Variants in SDK1 observed in about 807,000 individuals in gnomAD.
SDK1 encodes protein sidekick-1.
In SDK1, 157 loss-of-function variants were observed where a neutral mutation model predicts 245.5. The ratio of observed to expected loss-of-function variants is 0.64; its 90% confidence interval spans 0.56 to 0.73. The LOEUF is 0.73. Ranked by LOEUF, SDK1 falls within the 30% of genes least tolerant of loss-of-function variation. SDK1 has a pLI of 0.00. For missense variants in SDK1, 3,583 were observed against 3,002.3 expected, an observed-to-expected ratio of 1.19 and a Z score of -4.52; for synonymous variants, 1,647 against 1,278.5, an observed-to-expected ratio of 1.29 and a Z score of -6.15.
chr7:3,863,029 C>G (rs1172161096), intron 5 of SDK1, among the ~76,000 whole-genome samples: 2 of 152,174 alleles, frequency 1.3e-5, no homozygotes, highest in African/African-American at 4.8e-5. Context: ...CTGTGCATCC[C>G]AGTTCCTAAG....
intron 4 of SDK1, among the ~76,000 whole-genome samples, chr7:3,703,200 T>C (rs989668178): frequency 6.6e-5 from 10 of 152,134 alleles, no homozygotes; most frequent in South Asian, 2.1e-4. Context: ...TGGCCACAAA[T>C]TGGAAATAAC....
intron 14 of SDK1, among the ~76,000 whole-genome samples, chr7:4,000,370 C>G (rs543140359): frequency 6.6e-6 from 1 of 152,186 alleles, no homozygotes; most frequent in Non-Finnish European, 1.5e-5. Flanking sequence ...TTCTGAAGCA[C>G]GGCTTGGTTT....
intron 5 of SDK1, among the ~76,000 whole-genome samples, chr7:3,919,600 T>G (rs530640305): frequency 6.6e-6 from 1 of 152,288 alleles, no homozygotes; most frequent in South Asian, 2.1e-4. Context: ...TCTTACCACG[T>G]GTTTTGTGCT....
chr7:3,645,383 G>A (rs10245071), intron 4 of SDK1, among the ~76,000 whole-genome samples: 82,073 of 151,918 alleles, frequency 0.54, 22,891 homozygotes, highest in South Asian at 0.65. Context: ...CTTTAGTTTC[G>A]TATTTTCCAC....
At chr7:3,442,402 A>G (rs576660770) in intron 1 of SDK1, among the ~76,000 whole-genome samples, 1 of 152,328 alleles carries the variant, frequency 6.6e-6, no homozygotes, top group East Asian at 1.9e-4. Context: ...CACAAATGGA[A>G]TGGTAACTGG....
chr7:3,760,934 G>C (rs531602454), intron 4 of SDK1, among the ~76,000 whole-genome samples: 2 of 152,300 alleles, frequency 1.3e-5, no homozygotes, highest in Admixed American at 1.3e-4. Context: ...ATCACAATTT[G>C]TTGAACTCTT....
intron 35 of SDK1, among the ~76,000 whole-genome samples, chr7:4,200,278 TCTTGGAGACTTCAAAATGTGCAGAGG>T (rs1341353769): frequency 6.6e-6 from 1 of 152,094 alleles, no homozygotes; most frequent in Non-Finnish European, 1.5e-5. Context: ...CTCCAGGCGG[TCTTGGAGACTTCAAAATGTGCAGAGG>T]CTTGGCTGAG....
In SDK1 at chr7:3,614,929, A is replaced by C. The variant is rs573375092; in HGVS notation, c.299-4151A>C. 4.1e-5 allele frequency among the ~76,000 whole-genome samples: 6 copies of C among 147,652 alleles called. No individual in the cohort carries two copies. The South Asian group carries it at 1.3e-3, about 31-fold the overall frequency. The stretch of plus-strand genomic sequence containing the variant: ...CTTTAAAATGAGCTTTTTTTTTCCT[A>C]CCAGCTCACAGTATCCAGCCTTATA... On this transcript the variant is annotated intron_variant, in intron 1 of 44. Transcript: ENST00000404826.
intron 42 of SDK1, among the ~76,000 whole-genome samples, chr7:4,240,960 T>A (rs562449921): frequency 1.3e-5 from 2 of 152,176 alleles, no homozygotes; most frequent in Admixed American, 6.5e-5. Context: ...CAGGCCAAGC[T>A]TGGGGGCAGT....
At chr7:3,472,464 A>G (rs1048049279) in intron 1 of SDK1, among the ~76,000 whole-genome samples, 3 of 152,206 alleles carry the variant, frequency 2.0e-5, no homozygotes, top group African/African-American at 4.8e-5. Flanking sequence ...AAAGTTAGAA[A>G]ACAATACATG....
chr7:3,718,521 CA>C (rs1379652375), intron 4 of SDK1, among the ~76,000 whole-genome samples: 1 of 134,040 alleles, frequency 7.5e-6, no homozygotes, highest in Non-Finnish European at 1.6e-5. Flanking sequence ...AACTGTATCT[CA>C]ATAAATAAAT....
chr7:4,029,921 C>T (rs140245988), intron 17 of SDK1, among the ~76,000 whole-genome samples: 6 of 152,308 alleles, frequency 3.9e-5, no homozygotes, highest in East Asian at 1.9e-4. Context: ...ATGCTGCACT[C>T]GGATACAACA....
chr7:3,519,077 T>G (rs773024598), intron 1 of SDK1, among the ~76,000 whole-genome samples: 1 of 152,118 alleles, frequency 6.6e-6, no homozygotes, highest in Admixed American at 6.6e-5. Flanking sequence ...TGTTCTCATA[T>G]GCAGAAGCTA....
rs144238812 is a variant in SDK1, at chr7:3,922,911, A to G, written c.848-28012A>G. Among the ~76,000 whole-genome samples the G allele has an allele frequency of 3.3e-3, 498 of 152,290 alleles. 5 individuals carry two copies. The highest frequency in any genetic ancestry group is 0.011 in the African/African-American group (466 of 41,552). ...TGCTTATATTTGATCTTTTGGGTCA[A>G]TCTTCCATTTTGCTTATCTTTTCCT... On this transcript the variant is annotated intron_variant, in intron 5 of 44. Transcript: ENST00000404826.
intron 1 of SDK1, among the ~76,000 whole-genome samples, chr7:3,596,445 G>C (rs1025726015): frequency 6.6e-6 from 1 of 152,176 alleles, no homozygotes; most frequent in Non-Finnish European, 1.5e-5. Flanking sequence ...TCTGCTCTAA[G>C]GATTTTTAAT....
intron 1 of SDK1, among the ~76,000 whole-genome samples, chr7:3,457,333 C>A (rs1409326812): frequency 6.6e-6 from 1 of 152,158 alleles, no homozygotes; most frequent in Non-Finnish European, 1.5e-5. Context: ...TTGCCTCTTT[C>A]CACCTTTCTT....
chr7:3,351,607 C>G (rs1780661975), intron 1 of SDK1, among the ~76,000 whole-genome samples: 2 of 152,036 alleles, frequency 1.3e-5, no homozygotes, highest in Non-Finnish European at 1.5e-5. Flanking sequence ...ATTTCAGGCT[C>G]ACTTTAAGCA....
At chr7:3,749,307 T>G (rs1779712065) in intron 4 of SDK1, among the ~76,000 whole-genome samples, 1 of 152,050 alleles carries the variant, frequency 6.6e-6, no homozygotes. Flanking sequence ...CAGCTAATTT[T>G]TTTCTTTTTT....
intron 1 of SDK1, chr7:3,338,616 A>C (rs73672096): frequency 6.0e-6 from 1 of 167,914 alleles, no homozygotes; most frequent in African/African-American, 3.6e-5. Context: ...TGTTAAAAAC[A>C]AACAAACAAA....
Sources: gnomAD v4.1 joint callset for allele counts (sites outside exome capture counted in the v4.1 genomes callset) on GRCh38, gnomAD v4.1.1 for gene constraint, MANE v1.5 for transcripts, NCBI Gene and HGNC (gene_info 2026-07-23, HGNC 2026-07-21) for gene names.